KIAA0825: variants seen among roughly 807,000 people sequenced by gnomAD.
KIAA0825 encodes KIAA0825, also known as uncharacterized protein KIAA0825.
KIAA0825 carries 119 observed loss-of-function variants against 147.6 expected under a neutral mutation model. The observed-to-expected ratio is 0.81, with a 90% CI of 0.69 to 0.94. The LOEUF is 0.94. KIAA0825 is among the 40% of genes least tolerant of loss of function. KIAA0825 has a pLI of 0.00. For synonymous variants in KIAA0825, 470 were observed against 518.1 expected (o/e 0.91, Z 1.26); for missense variants, 1,381 against 1,472.7 (o/e 0.94, Z 1.02).
At chr5:94,617,712 C>G (rs774333114) in intron 1 of KIAA0825, among the ~76,000 whole-genome samples, 7 of 152,172 alleles carry the variant, frequency 4.6e-5, no homozygotes, top group Non-Finnish European at 7.3e-5. Context: ...TTCACTACAT[C>G]ACATCTTTCA....
chr5:94,194,739 C>A (rs1046266521), intron 20 of KIAA0825, among the ~76,000 whole-genome samples: 1 of 152,192 alleles, frequency 6.6e-6, no homozygotes, highest in African/African-American at 2.4e-5. Flanking sequence ...TCACATATTT[C>A]TGGACCCATA....
chr5:94,324,338 T>G (rs1780477278), intron 20 of KIAA0825, among the ~76,000 whole-genome samples: 1 of 152,036 alleles, frequency 6.6e-6, no homozygotes, highest in African/African-American at 2.4e-5. Flanking sequence ...AGTTTTTTCT[T>G]GTATATCAAG....
At chr5:94,244,186 A>T (rs551527543) in intron 20 of KIAA0825, among the ~76,000 whole-genome samples, 1 of 152,310 alleles carries the variant, frequency 6.6e-6, no homozygotes, top group South Asian at 2.1e-4. Flanking sequence ...CACCGGGAAG[A>T]ATTTTCCTTC....
intron 20 of KIAA0825, among the ~76,000 whole-genome samples, chr5:94,354,179 G>A (rs1009679695): frequency 2.0e-5 from 3 of 152,076 alleles, no homozygotes; most frequent in African/African-American, 4.8e-5. Flanking sequence ...TTCCTACCAA[G>A]AATTCCCAGG....
At chr5:94,348,965 T>C (rs1447949671) in intron 20 of KIAA0825, among the ~76,000 whole-genome samples, 2 of 152,182 alleles carry the variant, frequency 1.3e-5, no homozygotes, top group African/African-American at 2.4e-5. Context: ...TAACATTGAA[T>C]GTAAATGACC....
chr5:94,595,377 C>A (rs116345932), intron 1 of KIAA0825, among the ~76,000 whole-genome samples: 3,267 of 152,302 alleles, frequency 0.021, 52 homozygotes, highest in Non-Finnish European at 0.03. Flanking sequence ...GGGAATTGCA[C>A]CCTCTGAAGC....
At position 94,594,583 on chromosome 5, in the gene KIAA0825, T is replaced by C. The variant is rs923465900; in HGVS notation, c.-152-12000A>G. The C allele has an allele frequency of 4.6e-5, 33 of 711,450 alleles. No homozygotes were observed. In the Admixed American group the frequency reaches 6.6e-4, roughly 14 times the overall value. The allele number at this position is 711,450 out of a possible 1,614,324, so 44.1% of individuals were successfully genotyped here. A position where few individuals can be genotyped will look rare whatever the true frequency, so the allele number is the denominator to read the frequency against. On this transcript the variant is annotated intron_variant, in intron 1 of 20. Coordinates refer to ENST00000682413, the MANE Select transcript of KIAA0825 (RefSeq NM_001145678.3). Reference sequence around the variant, plus strand: ...AGGCTGCCACCAGGAGCTGAAAGGATTGCTTTGGAATTTTTGGATTCAAAA... The same window carrying C: ...AGGCTGCCACCAGGAGCTGAAAGGACTGCTTTGGAATTTTTGGATTCAAAA...
chr5:94,193,816 C>G (rs1475722880), intron 20 of KIAA0825, among the ~76,000 whole-genome samples: 1 of 152,190 alleles, frequency 6.6e-6, no homozygotes, highest in Non-Finnish European at 1.5e-5. Flanking sequence ...AGTCCATGCT[C>G]TGTACCACCT....
chr5:94,253,941 G>T (rs775130596), intron 20 of KIAA0825, among the ~76,000 whole-genome samples: 8 of 152,046 alleles, frequency 5.3e-5, no homozygotes, highest in Non-Finnish European at 8.8e-5. Flanking sequence ...GCCTCCACAG[G>T]ACTCACAGAC....
chr5:94,347,045 A>G (rs1472549982), intron 20 of KIAA0825, among the ~76,000 whole-genome samples: 1 of 152,004 alleles, frequency 6.6e-6, no homozygotes, highest in Admixed American at 6.6e-5. Flanking sequence ...GCTTTTCCCC[A>G]CTTCCCTGAC....
intron 20 of KIAA0825, among the ~76,000 whole-genome samples, chr5:94,230,255 T>C (rs1774571644): frequency 6.6e-6 from 1 of 152,210 alleles, no homozygotes; most frequent in African/African-American, 2.4e-5. Context: ...CAGATATTCA[T>C]TTCTTCTCGT....
At chr5:94,335,729 C>A (rs1331929607) in intron 20 of KIAA0825, among the ~76,000 whole-genome samples, 1 of 151,924 alleles carries the variant, frequency 6.6e-6, no homozygotes, top group African/African-American at 2.4e-5. Flanking sequence ...TTAGCTCTTA[C>A]CATATTGATT....
At chr5:94,347,203 A>G (rs1584201606) in intron 20 of KIAA0825, among the ~76,000 whole-genome samples, 1 of 152,090 alleles carries the variant, frequency 6.6e-6, no homozygotes, top group Non-Finnish European at 1.5e-5. Context: ...CTGCCCCCAC[A>G]TGATGGTCCT....
At chr5:94,562,681 T>G (rs527898890) in intron 2 of KIAA0825, among the ~76,000 whole-genome samples, 4 of 152,358 alleles carry the variant, frequency 2.6e-5, no homozygotes, top group African/African-American at 7.2e-5. Flanking sequence ...CATTTTAATT[T>G]TAACTAAACC....
intron 2 of KIAA0825, among the ~76,000 whole-genome samples, chr5:94,539,766 A>C (rs1275485432): frequency 6.6e-6 from 1 of 151,890 alleles, no homozygotes; most frequent in East Asian, 1.9e-4. Context: ...TAGAGACCCA[A>C]CTTAGGAGGG....
At chr5:94,584,753 T>A (rs1238150246) in intron 1 of KIAA0825, among the ~76,000 whole-genome samples, 1 of 151,776 alleles carries the variant, frequency 6.6e-6, no homozygotes, top group Middle Eastern at 3.4e-3. Flanking sequence ...TTCACTAAGG[T>A]TGAAATGAAG....
intron 20 of KIAA0825, among the ~76,000 whole-genome samples, chr5:94,315,534 G>A (rs1219356829): frequency 6.6e-6 from 1 of 151,582 alleles, no homozygotes; most frequent in African/African-American, 2.4e-5. Context: ...GATGGATGGT[G>A]AGCCTAAGTT....
chr5:94,247,646 C>T (rs1775700238), intron 20 of KIAA0825, among the ~76,000 whole-genome samples: 1 of 152,110 alleles, frequency 6.6e-6, no homozygotes, highest in Admixed American at 6.6e-5. Context: ...CCAACTCCAT[C>T]ACTAGACAAT....
Position 94,537,091 on chromosome 5 carries a change from A to C in KIAA0825, c.36T>G (p.Phe12Leu). The change falls in exon 3 of 21, where the codon TTT (phenylalanine) becomes TTG (leucine). Residue 12 changes from phenylalanine (F) to leucine (L), a missense_variant. Coordinates refer to ENST00000682413, the MANE Select transcript of KIAA0825 (RefSeq NM_001145678.3). ...DWDDEYSHNS[F>L]DLHCLLNSFP... ...ATGAGTTTAACAAACAATGTAGGTC[A>C]AAAGAATTATGAGAATATTCATCAT... 1 of 1,611,626 alleles carries C rather than the reference A, an allele frequency of 6.2e-7. No homozygotes were observed.
Sources: gnomAD v4.1 joint callset for allele counts (sites outside exome capture counted in the v4.1 genomes callset) on GRCh38, gnomAD v4.1.1 for gene constraint, MANE v1.5 for transcripts, NCBI Gene and HGNC (gene_info 2026-07-23, HGNC 2026-07-21) for gene names.